EHBP1: variants seen among roughly 807,000 people sequenced by gnomAD.
The protein encoded by EHBP1 is EH domain binding protein 1.
Under a neutral mutation model 144.0 loss-of-function variants are expected in EHBP1, and 55 were observed. That is an observed-to-expected ratio of 0.38 (90% CI 0.31 to 0.48). The LOEUF (loss-of-function observed/expected upper bound fraction) is 0.48. EHBP1 is among the 20% of genes least tolerant of loss of function. The pLI is 0.98. For synonymous variants in EHBP1, 469 were observed against 472.7 expected (o/e 0.99, Z 0.10); for missense variants, 1,200 against 1,364.2 (o/e 0.88, Z 1.90).
At position 62,859,164 on chromosome 2, in the gene EHBP1, T is replaced by A; in HGVS notation, c.635-5T>A. 6.2e-7 allele frequency: 1 copy of A among 1,609,320 alleles called. No individual in the cohort carries two copies. Among genetic ancestry groups the A allele is most frequent in the Non-Finnish European group, 8.5e-7 (1 of 1,177,018 alleles). Reference sequence around the variant, plus strand: ...TAGGGAACTAACCCATATGTTTATTTTCAGAGCTTATCAACAAACTTAACT... The same window carrying A: ...TAGGGAACTAACCCATATGTTTATTATCAGAGCTTATCAACAAACTTAACT... On this transcript the variant is annotated splice_region_variant and splice_polypyrimidine_tract_variant and intron_variant, in intron 7 of 22. Transcript: ENST00000431489.
At chr2:62,788,095 C>G (rs780725291) in intron 5 of EHBP1, among the ~76,000 whole-genome samples, 1 of 152,040 alleles carries the variant, frequency 6.6e-6, no homozygotes, top group Non-Finnish European at 1.5e-5. Context: ...TAAAGAATGC[C>G]TCTTTTAAAT....
At chr2:62,969,900 T>C (rs1574294005) in intron 14 of EHBP1, among the ~76,000 whole-genome samples, 1 of 152,332 alleles carries the variant, frequency 6.6e-6, no homozygotes, top group Non-Finnish European at 1.5e-5. Flanking sequence ...TGAAAAGATC[T>C]GCTAAACAGT....
intron 15 of EHBP1, among the ~76,000 whole-genome samples, chr2:62,980,894 C>T (rs1169266604): frequency 5.5e-5 from 8 of 146,134 alleles, no homozygotes; most frequent in African/African-American, 2.0e-4. Context: ...AACCAACTCA[C>T]GCCCACTAAA....
At chr2:62,775,678 A>G (rs1483919820) in intron 5 of EHBP1, among the ~76,000 whole-genome samples, 2 of 152,318 alleles carry the variant, frequency 1.3e-5, no homozygotes, top group South Asian at 2.1e-4. Context: ...GACCCTTACT[A>G]TGTACCAGGT....
Position 63,045,317 on chromosome 2 carries a change from G to C in EHBP1, c.3393-93G>C. ...CCTGGTGCTCCCCATTCCCGCTGGG[G>C]ATCCAAATACTGGGCGACGGGGGAG... On this transcript the variant is annotated intron_variant, in intron 22 of 22. Transcript: ENST00000431489. The surrounding 1 kb of genome is among the most constrained non-coding windows in gnomAD (Gnocchi z 5.7). 1 of 1,408,426 alleles carries C rather than the reference G, an allele frequency of 7.1e-7. No homozygotes were observed. The highest frequency in any genetic ancestry group is 9.9e-7 in the Non-Finnish European group (1 of 1,008,606). 87.2% of individuals were successfully genotyped at this position (1,408,426 alleles called of 1,614,324 possible).
chr2:62,701,721 A>G (rs1316553584), upstream of EHBP1, among the ~76,000 whole-genome samples: 1 of 152,212 alleles, frequency 6.6e-6, no homozygotes, highest in Non-Finnish European at 1.5e-5. Context: ...TTTTAAAAGT[A>G]TTGGCCTGCC....
intron 8 of EHBP1, among the ~76,000 whole-genome samples, chr2:62,860,135 T>C (rs974992089): frequency 2.6e-5 from 4 of 152,188 alleles, no homozygotes; most frequent in Admixed American, 2.6e-4. Context: ...AGTAAGTGTG[T>C]ATTCATGAGT....
At chr2:62,866,558 AT>A (rs2050054936) in intron 9 of EHBP1, among the ~76,000 whole-genome samples, 1 of 152,316 alleles carries the variant, frequency 6.6e-6, no homozygotes, top group African/African-American at 2.4e-5. Context: ...TTGAAATTGA[AT>A]TTATAGAGAT....
In EHBP1 at chr2:62,942,916, A is replaced by G; in HGVS notation, c.1364+20A>G. Reference sequence around the variant, plus strand: ...TTTAATGTAAGTAGAAACATTTTCCATTCCCTATATTTTGTAAGTGATAGA... The same window carrying G: ...TTTAATGTAAGTAGAAACATTTTCCGTTCCCTATATTTTGTAAGTGATAGA... On this transcript the variant is annotated intron_variant, in intron 11 of 22. Transcript: ENST00000431489. The G allele has an allele frequency of 6.6e-7, 1 of 1,524,182 alleles. No homozygotes were observed. Among genetic ancestry groups the G allele is most frequent in the East Asian group, 2.3e-5 (1 of 43,322 alleles). The allele number at this position is 1,524,182 out of a possible 1,614,324, so 94.4% of individuals were successfully genotyped here.
At chr2:62,801,110 G>A (rs924731133) in intron 5 of EHBP1, among the ~76,000 whole-genome samples, 1 of 152,184 alleles carries the variant, frequency 6.6e-6, no homozygotes. Context: ...TTTTGATGAT[G>A]TATTTTAATT....
chr2:62,777,991 C>T (rs2042161112), intron 5 of EHBP1, among the ~76,000 whole-genome samples: 1 of 152,144 alleles, frequency 6.6e-6, no homozygotes, highest in African/African-American at 2.4e-5. Context: ...ACTGTTAACC[C>T]AATGAATGTA....
At chr2:62,859,386 A>C in intron 8 of EHBP1, 95 bp downstream of exon 8, 1 of 1,184,800 alleles carries the variant, frequency 8.4e-7, no homozygotes, top group Non-Finnish European at 1.2e-6. Flanking sequence ...ACTAACACAC[A>C]AAAAATTATT....
At chr2:62,835,514 C>T (rs1382214327) in intron 7 of EHBP1, among the ~76,000 whole-genome samples, 1 of 152,156 alleles carries the variant, frequency 6.6e-6, no homozygotes, top group Non-Finnish European at 1.5e-5. Context: ...AGGAACAGCT[C>T]CGGTCTACAG....
At chr2:62,843,712 G>A (rs940172753) in intron 7 of EHBP1, among the ~76,000 whole-genome samples, 6 of 152,114 alleles carry the variant, frequency 3.9e-5, no homozygotes, top group Admixed American at 6.6e-5. Context: ...GCAACAGCAC[G>A]ACCACTTTAA....
intron 3 of EHBP1, among the ~76,000 whole-genome samples, chr2:62,751,636 C>T (rs2039730470): frequency 6.6e-6 from 1 of 152,240 alleles, no homozygotes; most frequent in Non-Finnish European, 1.5e-5. Context: ...GGTTGGTAAG[C>T]TATTAATTAT....
At chr2:62,807,624 A>T (rs1231649696) in intron 5 of EHBP1, among the ~76,000 whole-genome samples, 1 of 152,188 alleles carries the variant, frequency 6.6e-6, no homozygotes, top group African/African-American at 2.4e-5. Flanking sequence ...TTCTTTACAT[A>T]GATTTTACTT....
At chr2:62,810,943 AT>A (rs1017869902) in intron 5 of EHBP1, among the ~76,000 whole-genome samples, 1 of 151,964 alleles carries the variant, frequency 6.6e-6, no homozygotes, top group African/African-American at 2.4e-5. Context: ...TGCTTTAATA[AT>A]TTTTTTTGTT....
At position 62,859,158 on chromosome 2, in the gene EHBP1, T is replaced by C; in HGVS notation, c.635-11T>C. On this transcript the variant is annotated splice_polypyrimidine_tract_variant and intron_variant, in intron 7 of 22. Transcript: ENST00000431489. ...CCATAATAGGGAACTAACCCATATG[T>C]TTATTTTCAGAGCTTATCAACAAAC... 6.2e-7 allele frequency: 1 copy of C among 1,607,202 alleles called. No homozygotes were observed. The highest frequency in any genetic ancestry group is 8.5e-7 in the Non-Finnish European group (1 of 1,175,726).
intron 10 of EHBP1, among the ~76,000 whole-genome samples, chr2:62,907,602 T>C (rs1362403248): frequency 2.0e-5 from 3 of 152,190 alleles, no homozygotes; most frequent in African/African-American, 4.8e-5. Flanking sequence ...CTCTGGACTC[T>C]TACAAGGACA....
Sources: gnomAD v4.1 joint callset for allele counts (sites outside exome capture counted in the v4.1 genomes callset) on GRCh38, gnomAD v4.1.1 for gene constraint, Gnocchi (gnomAD v3.1) non-coding constraint, MANE v1.5 for transcripts, NCBI Gene and HGNC (gene_info 2026-07-23, HGNC 2026-07-21) for gene names.